Variants in PCDHGB1 observed in about 807,000 individuals in gnomAD.
The protein encoded by PCDHGB1 is protocadherin gamma-B1.
A neutral mutation model predicts 56.6 loss-of-function variants in PCDHGB1; 34 were observed. The ratio of observed to expected loss-of-function variants is 0.60; its 90% confidence interval spans 0.46 to 0.80. The LOEUF is 0.80. PCDHGB1 is among the 30% of genes least tolerant of loss of function. The pLI is 0.00. For synonymous variants in PCDHGB1, 561 were observed against 505.9 expected, an observed-to-expected ratio of 1.11 and a Z score of -1.46; for missense variants, 1,278 against 1,204.6, an observed-to-expected ratio of 1.06 and a Z score of -0.90.
At chr5:141,364,922 C>A (rs1201913698) in intron 1 of PCDHGB1, 1 of 1,613,948 alleles carries the variant, frequency 6.2e-7, no homozygotes, top group East Asian at 2.2e-5. Flanking sequence ...GGTGTTGGAA[C>A]AGCCCCTAGA....
intron 1 of PCDHGB1, chr5:141,478,679 C>T (rs1247027395): frequency 3.2e-6 from 5 of 1,551,382 alleles, no homozygotes; most frequent in East Asian, 2.4e-5. Flanking sequence ...TCAACTGGCC[C>T]TTCCTAGATC....
At chr5:141,352,810 T>TA in intron 1 of PCDHGB1, 141 bp downstream of exon 1, 1 of 840,270 alleles carries the variant, frequency 1.2e-6, no homozygotes, top group Non-Finnish European at 1.8e-6. Flanking sequence ...GCCAAGATGG[T>TA]AAAACCCGGT....
Position 141,432,169 on chromosome 5 carries a change from C to T in PCDHGB1, c.2410-62638C>T. On this transcript the variant is annotated intron_variant, in intron 1 of 3. Transcript: ENST00000523390. The surrounding 1 kb of genome is among the most constrained non-coding windows in gnomAD (Gnocchi z 6.0). ...CAGAGAACAATCCCAGAGGAGTTTCCCTCGTCTCTGTGACCGCCCACGACC... is the reference window on the plus strand; with the variant it reads ...CAGAGAACAATCCCAGAGGAGTTTCTCTCGTCTCTGTGACCGCCCACGACC... The T allele has an allele frequency of 6.2e-7, 1 of 1,614,204 alleles. No homozygotes were observed. The highest frequency in any genetic ancestry group is 1.6e-4 in the Middle Eastern group (1 of 6,062).
chr5:141,389,248 A>G (rs757462176), intron 1 of PCDHGB1: 45 of 1,613,918 alleles, frequency 2.8e-5, no homozygotes, highest in African/African-American at 6.7e-5. Flanking sequence ...CAGTCTTCCT[A>G]TATAGTCCAC....
At chr5:141,383,695 G>A (rs373055594) in intron 1 of PCDHGB1, 5 of 1,613,974 alleles carry the variant, frequency 3.1e-6, no homozygotes, top group Non-Finnish European at 3.4e-6. Flanking sequence ...CACGGTACAT[G>A]CTATCGACCT....
intron 1 of PCDHGB1, chr5:141,370,391 C>A (rs1766857480): frequency 1.9e-6 from 3 of 1,542,934 alleles, no homozygotes; most frequent in African/African-American, 1.4e-5. Context: ...GCGCAGAGAG[C>A]GGGATGGGAA....
rs570292459 is a variant in PCDHGB1 at position 141,351,296 on chromosome 5, A to G, written c.1036A>G (p.Met346Val). 1.2e-6 allele frequency: 2 copies of G among 1,613,934 alleles called. No individual in the cohort carries two copies. The highest frequency in any genetic ancestry group is 1.7e-6 in the Non-Finnish European group (2 of 1,179,804). The change falls in exon 1 of 4, where the codon ATG (methionine) becomes GTG (valine). Residue 346 changes from methionine to valine, a missense_variant. Coordinates refer to ENST00000523390, the MANE Select transcript of PCDHGB1 (RefSeq NM_018922.3). Reference sequence around the variant, plus strand: ...TGACAATGCCCCAGAGGTGACATTCATGTCCTTCTCTAACCAGATTCCAGA... The same window carrying G: ...TGACAATGCCCCAGAGGTGACATTCGTGTCCTTCTCTAACCAGATTCCAGA... ...ENDNAPEVTF[M>V]SFSNQIPEDS...
rs1036126623 is a variant in PCDHGB1, at chr5:141,410,753, T to A, written c.2409+58084T>A. On this transcript the variant is annotated intron_variant, in intron 1 of 3. Transcript: ENST00000523390. ...AGCTTTTTACAATATTTTCTCAATG[T>A]TTTTTCAATTATAGTTTTCACTATG... 4.1e-6 allele frequency: 5 copies of A among 1,229,696 alleles called. No individual in the cohort carries two copies. In the African/African-American group the frequency reaches 6.1e-5, roughly 15 times the overall value. 76.2% of individuals were successfully genotyped at this position (1,229,696 alleles called of 1,614,324 possible). A position where few individuals can be genotyped will look rare whatever the true frequency, so the allele number is the denominator to read the frequency against.
At chr5:141,356,327 C>A in intron 1 of PCDHGB1, 1 of 1,554,310 alleles carries the variant, frequency 6.4e-7, no homozygotes, top group Non-Finnish European at 8.7e-7. Context: ...GACAGTGACT[C>A]AGGAGGAAAT....
At chr5:141,382,945 C>T (rs1357779050) in intron 1 of PCDHGB1, 1 of 1,597,008 alleles carries the variant, frequency 6.3e-7, no homozygotes, top group Admixed American at 1.7e-5. Context: ...ATTCTTCCTG[C>T]TCTCCATCCT....
At chr5:141,413,562 T>C in intron 1 of PCDHGB1, 1 of 1,613,850 alleles carries the variant, frequency 6.2e-7, no homozygotes, top group Non-Finnish European at 8.5e-7. Context: ...AAGTAACTGA[T>C]ATCAATGACA....
intron 1 of PCDHGB1, among the ~76,000 whole-genome samples, chr5:141,446,664 G>A (rs116573282): frequency 0.012 from 1,821 of 152,192 alleles, 38 homozygotes; most frequent in African/African-American, 0.042. Context: ...TTTAGTACAA[G>A]ACAGCATTTC....
intron 1 of PCDHGB1, among the ~76,000 whole-genome samples, chr5:141,453,574 G>T (rs1285296493): frequency 6.6e-6 from 1 of 152,084 alleles, no homozygotes; most frequent in Non-Finnish European, 1.5e-5. Context: ...TCATTAGTTT[G>T]TGGTTTATCC....
intron 1 of PCDHGB1, chr5:141,390,614 G>C (rs184586504): frequency 4.8e-5 from 14 of 289,200 alleles, no homozygotes; most frequent in Admixed American, 2.4e-4. Context: ...TTTCCTTCTT[G>C]TTGACTAATA....
intron 1 of PCDHGB1, chr5:141,371,867 C>G (rs1452583584): frequency 6.2e-7 from 1 of 1,613,548 alleles, no homozygotes; most frequent in Non-Finnish European, 8.5e-7. Flanking sequence ...CCTACTACAT[C>G]GTGGCCAGTG....
chr5:141,360,300 G>A (rs746090550), intron 1 of PCDHGB1: 3 of 1,613,860 alleles, frequency 1.9e-6, no homozygotes, highest in East Asian at 2.2e-5. Flanking sequence ...AGGATCTGGG[G>A]CTCAGCGTCC....
At position 141,374,771 on chromosome 5, in the gene PCDHGB1, G is replaced by A. The variant is rs1770825611; in HGVS notation, c.2409+22102G>A. 1 of 1,613,744 alleles carries A rather than the reference G, an allele frequency of 6.2e-7. No individual in the cohort carries two copies. The highest frequency in any genetic ancestry group is 8.5e-7 in the Non-Finnish European group (1 of 1,179,778). On this transcript the variant is annotated intron_variant, in intron 1 of 3. Transcript: ENST00000523390. ...CCGCTCAAGCGTCGCCCAAATTCTG[G>A]TAACAGTTCTAGATGTGAATGACAA...
At chr5:141,428,003 C>T in intron 1 of PCDHGB1, 1 of 1,601,362 alleles carries the variant, frequency 6.2e-7, no homozygotes, top group East Asian at 2.2e-5. Flanking sequence ...CCGCACTCTT[C>T]GATATAGTGC....
intron 1 of PCDHGB1, chr5:141,405,580 G>T: frequency 1.7e-6 from 1 of 591,996 alleles, no homozygotes; most frequent in South Asian, 2.1e-5. Flanking sequence ...GAGTAGCTGG[G>T]ACTACAGGCC....
Sources: gnomAD v4.1 joint callset for allele counts (sites outside exome capture counted in the v4.1 genomes callset) on GRCh38, gnomAD v4.1.1 for gene constraint, Gnocchi (gnomAD v3.1) non-coding constraint, MANE v1.5 for transcripts, NCBI Gene and HGNC (gene_info 2026-07-23, HGNC 2026-07-21) for gene names.